Variants in BCAS3 observed in about 807,000 individuals in gnomAD.
The protein encoded by BCAS3 is BCAS3 microtubule associated cell migration factor, also known as BCAS4/BCAS3 fusion.
In BCAS3, 53 loss-of-function variants were observed where a neutral mutation model predicts 116.1. The ratio of observed to expected loss-of-function variants is 0.46; its 90% CI spans 0.37 to 0.57. BCAS3 has a LOEUF of 0.57. Among genes scored for constraint, BCAS3 ranks in the 20% least tolerant of loss-of-function variants. The pLI, the probability that BCAS3 is intolerant of heterozygous loss-of-function variation, is 0.00. For missense variants in BCAS3, 917 were observed against 1,165.4 expected (o/e 0.79, Z 3.10); for synonymous variants, 391 against 408.2 (o/e 0.96, Z 0.51).
At chr17:60,829,020 G>T (rs1026409751) in intron 7 of BCAS3, among the ~76,000 whole-genome samples, 47 of 152,074 alleles carry the variant, frequency 3.1e-4, no homozygotes, top group Admixed American at 3.9e-4. Flanking sequence ...TAACAGCAAA[G>T]AATTATCTAG....
At chr17:60,880,536 C>T (rs1184548867) in intron 9 of BCAS3, among the ~76,000 whole-genome samples, 1 of 152,170 alleles carries the variant, frequency 6.6e-6, no homozygotes, top group Admixed American at 6.5e-5. Context: ...GATCCGTCCT[C>T]CTTGGCCTCC....
In BCAS3 at chr17:61,189,538, A is replaced by C. The variant is rs894554248; in HGVS notation, c.2425+104974A>C. On this transcript the variant is annotated intron_variant, in intron 22 of 23. Coordinates refer to ENST00000407086, the MANE Select transcript of BCAS3 (RefSeq NM_017679.5). The surrounding 1 kb of genome is among the most constrained non-coding windows in gnomAD (Gnocchi z 4.5). ...AGCTGTAGAGAGAGCAGATTTGAAG[A>C]AAGATTTAAAATGAAGTCAGGGAGA... Among the ~76,000 whole-genome samples, 8 of 152,218 alleles carry C rather than the reference A, an allele frequency of 5.3e-5. No homozygotes were observed. The highest frequency in any genetic ancestry group is 8.8e-5 in the Non-Finnish European group (6 of 68,040).
chr17:60,965,122 G>T (rs1238115426), intron 14 of BCAS3, among the ~76,000 whole-genome samples: 1 of 151,576 alleles, frequency 6.6e-6, no homozygotes, highest in Non-Finnish European at 1.5e-5. Context: ...ATATCATTAG[G>T]TTGTTCATTT....
At chr17:60,744,984 C>T (rs1214766781) in intron 5 of BCAS3, among the ~76,000 whole-genome samples, 2 of 151,890 alleles carry the variant, frequency 1.3e-5, no homozygotes. Context: ...TGATAGCAAA[C>T]TTTTATATTG....
intron 19 of BCAS3, among the ~76,000 whole-genome samples, chr17:61,069,014 AAG>A (rs1366884638): frequency 2.0e-5 from 3 of 152,226 alleles, no homozygotes; most frequent in Non-Finnish European, 2.9e-5. Flanking sequence ...AGAGGAGCAA[AAG>A]AGAGGATAAT....
intron 12 of BCAS3, among the ~76,000 whole-genome samples, chr17:60,918,704 T>G (rs1427153124): frequency 6.6e-6 from 1 of 150,574 alleles, no homozygotes; most frequent in Non-Finnish European, 1.5e-5. Context: ...TTTTTTTTTT[T>G]TTTTTTGAGA....
In BCAS3 at chr17:61,151,469, C is replaced by T. The variant is rs190277088; in HGVS notation, c.2425+66905C>T. 3.9e-4 allele frequency among the ~76,000 whole-genome samples: 57 copies of T among 147,576 alleles called. 1 individual carries two copies. Among genetic ancestry groups the T allele is most frequent in the African/African-American group, 1.4e-3 (51 of 37,564 alleles). ...TAATCTAAACATCTCTTTCATTCAA[C>T]GTTTTCTTTTTTTTTTGAGATAGGG... On this transcript the variant is annotated intron_variant, in intron 22 of 23. Coordinates refer to ENST00000407086, the MANE Select transcript of BCAS3 (RefSeq NM_017679.5). The surrounding 1 kb of genome is among the most constrained non-coding windows in gnomAD (Gnocchi z 4.8).
chr17:61,061,323 A>G (rs1240291469), intron 19 of BCAS3, among the ~76,000 whole-genome samples: 2 of 152,014 alleles, frequency 1.3e-5, no homozygotes, highest in Non-Finnish European at 2.9e-5. Flanking sequence ...ACATGAAAAA[A>G]CCACATTAAG....
intron 23 of BCAS3, among the ~76,000 whole-genome samples, chr17:61,385,104 A>G (rs1410508470): frequency 6.6e-6 from 1 of 152,192 alleles, no homozygotes; most frequent in African/African-American, 2.4e-5. Flanking sequence ...AATCTCAGCC[A>G]ACTCCATCTC....
At chr17:61,272,632 G>T (rs1252509593) in intron 22 of BCAS3, among the ~76,000 whole-genome samples, 1 of 45,068 alleles carries the variant, frequency 2.2e-5, no homozygotes, top group Non-Finnish European at 3.8e-5. Flanking sequence ...GTGAAACCCT[G>T]TCTCAAAAAA....
rs949246148 is a variant in BCAS3, at chr17:61,327,145, A to T, written c.2426-41182A>T. On this transcript the variant is annotated intron_variant, in intron 22 of 23. Transcript: ENST00000407086. This position sits in a 1 kb window ranked among gnomAD's most constrained non-coding sequence, Gnocchi z 5.9. Reference sequence around the variant, plus strand: ...TGGTGAAACCTCATCTCTACTAAAAATACAAAAATTAGCTGGGTGTGGTGG... The same window carrying T: ...TGGTGAAACCTCATCTCTACTAAAATTACAAAAATTAGCTGGGTGTGGTGG... Among the ~76,000 whole-genome samples the T allele has an allele frequency of 4.6e-5, 7 of 152,054 alleles. No individual in the cohort carries two copies. Among genetic ancestry groups the T allele is most frequent in the Non-Finnish European group, 7.4e-5 (5 of 68,006 alleles).
chr17:61,075,113 G>A, intron 20 of BCAS3, 93 bp downstream of exon 20: 1 of 947,236 alleles, frequency 1.1e-6, no homozygotes, highest in South Asian at 1.7e-5. Flanking sequence ...GGGAGAATTG[G>A]TAACTCTTTA....
At chr17:60,764,958 G>A (rs951829837) in intron 6 of BCAS3, among the ~76,000 whole-genome samples, 1 of 137,330 alleles carries the variant, frequency 7.3e-6, no homozygotes, top group Non-Finnish European at 1.5e-5. Flanking sequence ...TAATGGCCTT[G>A]TCTCTTTTGA....
At chr17:60,680,909 A>G (rs941481695) in intron 2 of BCAS3, among the ~76,000 whole-genome samples, 1 of 152,200 alleles carries the variant, frequency 6.6e-6, no homozygotes, top group Non-Finnish European at 1.5e-5. Context: ...GGCCTCCCAA[A>G]GTGCTAGAAT....
chr17:60,850,345 G>GTTT (rs10573405), intron 7 of BCAS3, among the ~76,000 whole-genome samples: 783 of 37,728 alleles, frequency 0.021, 217 homozygotes, highest in African/African-American at 0.064. Flanking sequence ...TGGCACCACT[G>GTTT]TTTTTTTTTT....
intron 4 of BCAS3, among the ~76,000 whole-genome samples, chr17:60,707,407 G>A (rs1375692447): frequency 6.6e-6 from 1 of 152,146 alleles, no homozygotes; most frequent in African/African-American, 2.4e-5. Context: ...GGATTACTCA[G>A]TCTATACGTG....
At chr17:60,944,023 G>C (rs1472626168) in intron 13 of BCAS3, among the ~76,000 whole-genome samples, 1 of 151,864 alleles carries the variant, frequency 6.6e-6, no homozygotes, top group Non-Finnish European at 1.5e-5. Flanking sequence ...GCTTACTCCA[G>C]AAAAGAAGAA....
At chr17:60,952,145 G>C (rs553483430) in intron 14 of BCAS3, among the ~76,000 whole-genome samples, 1 of 152,062 alleles carries the variant, frequency 6.6e-6, no homozygotes, top group East Asian at 1.9e-4. Context: ...TAAAAATCTT[G>C]AATTTTTATC....
intron 19 of BCAS3, among the ~76,000 whole-genome samples, chr17:61,074,164 G>T (rs997094873): frequency 6.6e-6 from 1 of 150,666 alleles, no homozygotes; most frequent in African/African-American, 2.4e-5. Flanking sequence ...AGGTTGGGGG[G>T]TTATATGGGA....
Sources: gnomAD v4.1 joint callset for allele counts (sites outside exome capture counted in the v4.1 genomes callset) on GRCh38, gnomAD v4.1.1 for gene constraint, Gnocchi (gnomAD v3.1) non-coding constraint, MANE v1.5 for transcripts, NCBI Gene and HGNC (gene_info 2026-07-23, HGNC 2026-07-21) for gene names.